Variants in SV2C observed in about 807,000 individuals in gnomAD.
SV2C encodes the protein solute carrier family 22 member B3.
Under a neutral mutation model 79.7 loss-of-function variants are expected in SV2C, and 49 were observed. The observed-to-expected ratio is 0.61, with a 90% CI of 0.49 to 0.78. SV2C has a LOEUF of 0.78. Ranked by LOEUF, SV2C falls within the 30% of genes least tolerant of loss-of-function variation. The pLI is 0.00. For missense variants in SV2C, 833 were observed against 912.9 expected (o/e 0.91, Z 1.13); for synonymous variants, 334 against 333.2 (o/e 1.00, Z -0.03).
the SV2C span, among the ~76,000 whole-genome samples, chr5:75,940,312 T>C: frequency 3.9e-5 from 6 of 151,996 alleles, no homozygotes; most frequent in African/African-American, 1.4e-4. Flanking sequence ...TGCAGTAAGC[T>C]GAGATTATGC....
the SV2C span, among the ~76,000 whole-genome samples, chr5:75,969,410 T>A: frequency 1.3e-5 from 2 of 152,268 alleles, no homozygotes; most frequent in South Asian, 4.1e-4. Context: ...CCCATAAGTG[T>A]GCTGTATTCA....
the SV2C span, chr5:75,921,291 CA>C: frequency 1.3e-6 from 2 of 1,483,110 alleles, no homozygotes; most frequent in Non-Finnish European, 1.9e-6. Context: ...TCCCACTTGT[CA>C]AAAGGCTCCA....
In SV2C at chr5:76,181,312, C is replaced by T. The variant is rs148609582; in HGVS notation, c.581-13607C>T. Among the ~76,000 whole-genome samples, 9 of 152,286 alleles carry T rather than the reference C, an allele frequency of 5.9e-5. No homozygotes were observed. The East Asian group carries it at 9.6e-4, about 16-fold the overall frequency. The stretch of plus-strand genomic sequence containing the variant: ...AGAGCTGAGTCATTGCAGTAGAGTC[C>T]GTATGGCCCACAGAGTCTGAGGTAT... On this transcript the variant is annotated intron_variant, in intron 2 of 12. Coordinates refer to ENST00000502798, the MANE Select transcript of SV2C (RefSeq NM_014979.4).
chr5:76,233,821 G>A (rs1298234122), intron 4 of SV2C, among the ~76,000 whole-genome samples: 2 of 149,120 alleles, frequency 1.3e-5, no homozygotes, highest in South Asian at 2.1e-4. Context: ...GCTTTTTGAT[G>A]TGCTGTTGCA....
chr5:76,050,672 A>G, the SV2C span, among the ~76,000 whole-genome samples: 1 of 152,168 alleles, frequency 6.6e-6, no homozygotes, highest in African/African-American at 2.4e-5. Flanking sequence ...CCTCCGGAGC[A>G]CTTAAAGCTC....
chr5:76,186,414 A>G (rs1438428603), intron 2 of SV2C, among the ~76,000 whole-genome samples: 1 of 152,202 alleles, frequency 6.6e-6, no homozygotes, highest in East Asian at 1.9e-4. Flanking sequence ...GAGGTTGGCC[A>G]GGCATGGTGG....
At chr5:76,301,623 A>C in intron 12 of SV2C, 78 bp downstream of exon 12, 3 of 1,505,484 alleles carry the variant, frequency 2.0e-6, no homozygotes, top group Non-Finnish European at 2.7e-6. Flanking sequence ...AAACAACCCA[A>C]ACTGGCTGGG....
intron 2 of SV2C, among the ~76,000 whole-genome samples, chr5:76,174,892 G>T (rs1395534127): frequency 6.6e-6 from 1 of 152,220 alleles, no homozygotes; most frequent in African/African-American, 2.4e-5. Flanking sequence ...CTCTTGGCCA[G>T]CACAAGTGCT....
chr5:75,889,167 A>T, the SV2C span, among the ~76,000 whole-genome samples: 1 of 151,524 alleles, frequency 6.6e-6, no homozygotes, highest in Admixed American at 6.7e-5. Flanking sequence ...TACATGTGGC[A>T]TGGTGGTTTG....
At chr5:76,001,760 T>C in the SV2C span, among the ~76,000 whole-genome samples, 2 of 152,188 alleles carry the variant, frequency 1.3e-5, no homozygotes, top group African/African-American at 4.8e-5. Flanking sequence ...CTTGAGCTTC[T>C]TGGGAGAGTG....
At chr5:75,875,674 A>T in the SV2C span, among the ~76,000 whole-genome samples, 1 of 152,206 alleles carries the variant, frequency 6.6e-6, no homozygotes, top group African/African-American at 2.4e-5. Context: ...CAAACTATGC[A>T]TCTGACAAAG....
intron 12 of SV2C, among the ~76,000 whole-genome samples, chr5:76,346,929 A>T (rs1330640207): frequency 6.6e-6 from 1 of 152,190 alleles, no homozygotes; most frequent in Non-Finnish European, 1.5e-5. Context: ...GCTACCTAGA[A>T]GGCCCTTCCA....
At chr5:76,084,145 A>G (rs1747090973) in intron 1 of SV2C, 1 of 152,292 alleles carries the variant, frequency 6.6e-6, no homozygotes, top group African/African-American at 2.4e-5. Flanking sequence ...AGAGCAGGGG[A>G]GCCCGCGGGG....
chr5:76,144,672 C>T (rs1193236408), intron 2 of SV2C, among the ~76,000 whole-genome samples: 2 of 152,178 alleles, frequency 1.3e-5, no homozygotes, highest in Non-Finnish European at 2.9e-5. Context: ...AAACCATGAC[C>T]TTACCCTTCC....
At chr5:76,352,732 C>T (rs558496902) in intron 12 of SV2C, among the ~76,000 whole-genome samples, 4 of 152,296 alleles carry the variant, frequency 2.6e-5, no homozygotes, top group African/African-American at 7.2e-5. Context: ...TTTCATATCC[C>T]TCCAAATTCT....
At chr5:76,176,772 T>C (rs1290523439) in intron 2 of SV2C, among the ~76,000 whole-genome samples, 1 of 152,206 alleles carries the variant, frequency 6.6e-6, no homozygotes, top group African/African-American at 2.4e-5. Flanking sequence ...TGAAATGATT[T>C]GCAGCATTGA....
the SV2C span, among the ~76,000 whole-genome samples, chr5:75,963,675 G>A: frequency 6.6e-6 from 1 of 152,018 alleles, no homozygotes; most frequent in Non-Finnish European, 1.5e-5. Flanking sequence ...TACTTGATTG[G>A]TCCTTTCAAA....
At chr5:76,128,100 C>T (rs563614464) in intron 1 of SV2C, among the ~76,000 whole-genome samples, 1 of 152,196 alleles carries the variant, frequency 6.6e-6, no homozygotes, top group South Asian at 2.1e-4. Context: ...TTATTATTAC[C>T]CTTATTTCGT....
chr5:75,916,050 A>G, the SV2C span, among the ~76,000 whole-genome samples: 1 of 152,214 alleles, frequency 6.6e-6, no homozygotes. Context: ...CTTTCAGGCA[A>G]TAGAGAATTA....
Sources: gnomAD v4.1 joint callset for allele counts (sites outside exome capture counted in the v4.1 genomes callset) on GRCh38, gnomAD v4.1.1 for gene constraint, MANE v1.5 for transcripts, NCBI Gene and HGNC (gene_info 2026-07-23, HGNC 2026-07-21) for gene names.